FBN1: variants seen among roughly 807,000 people sequenced by gnomAD.
FBN1 encodes fibrillin-1.
FBN1 carries 29 observed loss-of-function variants against 365.1 expected under a neutral mutation model. That is an observed-to-expected ratio of 0.08 (90% confidence interval 0.06 to 0.11). The LOEUF (loss-of-function observed/expected upper bound fraction) is 0.11, where lower values mean the gene tolerates loss of function less well. Ranked by LOEUF, FBN1 falls within the 10% of genes least tolerant of loss-of-function variation. The pLI is 1.00. For synonymous variants in FBN1, 1,210 were observed against 1,270.5 expected (o/e 0.95, Z 1.01); for missense variants, 2,476 against 3,703.2 (o/e 0.67, Z 8.60).
intron 12 of FBN1, among the ~76,000 whole-genome samples, chr15:48,515,096 G>A (rs533431520): frequency 6.6e-6 from 1 of 152,228 alleles, no homozygotes; most frequent in Admixed American, 6.5e-5. Context: ...GAAAATGGAG[G>A]AAGGGGTCAT....
intron 43 of FBN1, among the ~76,000 whole-genome samples, chr15:48,457,935 A>G (rs1478522646): frequency 6.6e-6 from 1 of 152,134 alleles, no homozygotes; most frequent in East Asian, 1.9e-4. Context: ...CTTATCATAT[A>G]AGGGAAGATC....
intron 30 of FBN1, 42 bp from the exon 31 acceptor site, chr15:48,483,985 G>T: frequency 6.2e-7 from 1 of 1,604,440 alleles, no homozygotes; most frequent in Non-Finnish European, 8.5e-7. Context: ...GTTGATATTG[G>T]TTCCACTGTT....
rs745715311 is a variant in FBN1 at position 48,425,812 on chromosome 15, G to A, written c.7257C>T (p.Val2419=). Residue 2419 remains valine, a synonymous_variant, in exon 59 of 66, where the codon GTC becomes GTT. Transcript: ENST00000316623. Reference sequence around the variant, plus strand: ...TGCAATGATATGATCCTCTGTCATTGACACATTCCCCATTTCGGCAAACAT... The same window carrying A: ...TGCAATGATATGATCCTCTGTCATTAACACATTCCCCATTTCGGCAAACAT... The part of the protein sequence containing the change: ...IHDVCRNGEC[V]NDRGSYHCIC... The A allele has an allele frequency of 6.2e-7, 1 of 1,612,100 alleles. No homozygotes were observed. The highest frequency in any genetic ancestry group is 1.3e-5 in the African/African-American group (1 of 74,820).
intron 12 of FBN1, 130 bp downstream of exon 12, chr15:48,515,257 T>C (rs934890696): frequency 8.2e-6 from 8 of 973,080 alleles, no homozygotes; most frequent in Non-Finnish European, 1.1e-5. Context: ...AGCTGAAAGA[T>C]AATTTAAATT....
At chr15:48,492,988 A>C (rs558082535) in intron 23 of FBN1, among the ~76,000 whole-genome samples, 1 of 152,330 alleles carries the variant, frequency 6.6e-6, no homozygotes, top group African/African-American at 2.4e-5. Context: ...AAACAGCTTG[A>C]AGTTCAGCAT....
chr15:48,589,300 T>A (rs1182415819), intron 6 of FBN1, among the ~76,000 whole-genome samples: 1 of 152,108 alleles, frequency 6.6e-6, no homozygotes, highest in East Asian at 1.9e-4. Context: ...GCCTACAAAG[T>A]GGGCCGAGAG....
chr15:48,616,005 T>C (rs1165410399), intron 2 of FBN1, among the ~76,000 whole-genome samples: 1 of 152,234 alleles, frequency 6.6e-6, no homozygotes, highest in Non-Finnish European at 1.5e-5. Flanking sequence ...TTTTAAAATA[T>C]ACGCTCTTCT....
At chr15:48,427,869 T>C (rs2042990489) in intron 57 of FBN1, 96 bp from the exon 58 acceptor site, 1 of 1,049,628 alleles carries the variant, frequency 9.5e-7, no homozygotes, top group Non-Finnish European at 1.4e-6. Context: ...CAAAAAAGGA[T>C]GTAACACTTT....
intron 50 of FBN1, among the ~76,000 whole-genome samples, chr15:48,439,938 G>A (rs757437049): frequency 5.3e-5 from 8 of 152,022 alleles, no homozygotes; most frequent in Non-Finnish European, 8.8e-5. Flanking sequence ...CATTATCCAC[G>A]GTTCTGTGGA....
At chr15:48,603,942 T>A (rs1482314091) in intron 4 of FBN1, among the ~76,000 whole-genome samples, 1 of 152,170 alleles carries the variant, frequency 6.6e-6, no homozygotes, top group African/African-American at 2.4e-5. Context: ...CCCATATCCA[T>A]AAAAGATCCC....
At position 48,435,772 on chromosome 15, in the gene FBN1, A is replaced by ATATATGTATATGTG. The variant is rs1555395092; in HGVS notation, c.6497-1060_6497-1059insCACATATACATATA. Among the ~76,000 whole-genome samples the ATATATGTATATGTG allele has an allele frequency of 7.8e-4, 83 of 106,354 alleles. 1 individual carries two copies. The highest frequency in any genetic ancestry group is 5.0e-3 in the Middle Eastern group (1 of 202). 69.8% of individuals were successfully genotyped at this position (106,354 alleles called of 152,430 possible). On this transcript the variant is annotated intron_variant, in intron 53 of 65. Transcript: ENST00000316623. The stretch of plus-strand genomic sequence containing the variant: ...TATATGTGTGTATATATATGTGTAT[A>ATATATGTATATGTG]TGTGTGTGTGTGTGTGTGTGTGTGT...
rs2043337860 is a variant in FBN1, at chr15:48,468,066, G to C, written c.4619C>G (p.Pro1540Arg). 1 of 1,614,022 alleles carries C rather than the reference G, an allele frequency of 6.2e-7. No individual in the cohort carries two copies. The highest frequency in any genetic ancestry group is 8.5e-7 in the Non-Finnish European group (1 of 1,179,978). ...GGCTGTATCTCCATTGTCTCCTCGA[G>C]GTCGAATATCCAAATAGCAATTTCC... The part of the protein sequence containing the change: ...RSGNCYLDIR[P>R]RGDNGDTACS... The change falls in exon 38 of 66, where the codon CCT becomes CGT. Residue 1540 changes from proline (P) to arginine (R), a missense_variant. Pro to Arg is a moderately radical substitution (Grantham distance 103). Around this residue, in one of 5 missense-constraint regions of FBN1, gnomAD observed 1,780 missense variants for 2,840.8 expected, o/e 0.63. Coordinates refer to ENST00000316623, the MANE Select transcript of FBN1 (RefSeq NM_000138.5).
chr15:48,533,203 CATCT>C (rs1314764833), intron 8 of FBN1, among the ~76,000 whole-genome samples: 3 of 152,132 alleles, frequency 2.0e-5, no homozygotes, highest in African/African-American at 7.2e-5. Context: ...AAAATGCATC[CATCT>C]AAGTGAAACC....
In FBN1 at chr15:48,503,857, A is replaced by G. The variant is rs761246982; in HGVS notation, c.2043T>C (p.Ser681=). The part of the protein sequence containing the change: ...IKPLFGAVTK[S]ECCCASTEYA... ...ACTCAGTGCTGGCGCAACAGCATTC[A>G]GATTTAGTGACAGCACCAAACAAAG... Residue 681 remains serine, a synonymous_variant, in exon 17 of 66, where the codon TCT becomes TCC. Transcript: ENST00000316623. 2.5e-6 allele frequency: 4 copies of G among 1,614,250 alleles called. No homozygotes were observed. The highest frequency in any genetic ancestry group is 3.4e-6 in the Non-Finnish European group (4 of 1,180,046).
At chr15:48,478,806 G>A (rs532904519) in intron 32 of FBN1, among the ~76,000 whole-genome samples, 6 of 152,306 alleles carry the variant, frequency 3.9e-5, no homozygotes, top group African/African-American at 1.4e-4. Flanking sequence ...ATGTAAGTCA[G>A]TGGGTGGATT....
rs571122637 is a variant in FBN1, at chr15:48,510,497, C to T, written c.1589-328G>A. Reference sequence around the variant, plus strand: ...TAACCAGTATAAATCACTATTTATACTGAAATTTGGCTGGCATCTTTAAAC... The same window carrying T: ...TAACCAGTATAAATCACTATTTATATTGAAATTTGGCTGGCATCTTTAAAC... On this transcript the variant is annotated intron_variant, in intron 13 of 65. Transcript: ENST00000316623. 3.3e-3 allele frequency among the ~76,000 whole-genome samples: 502 copies of T among 152,262 alleles called. 4 individuals carry two copies. The highest frequency in any genetic ancestry group is 6.8e-3 in the Middle Eastern group (2 of 294).
chr15:48,548,808 G>A (rs1349839406), intron 6 of FBN1, among the ~76,000 whole-genome samples: 1 of 152,180 alleles, frequency 6.6e-6, no homozygotes, highest in African/African-American at 2.4e-5. Context: ...AAAACAACTT[G>A]AGCCAGATTT....
rs757500051 is a variant in FBN1 at position 48,465,752 on chromosome 15, A to G, written c.4816+38T>C. ...ATTGTAAATAAACCCAAGGAAATTC[A>G]AGTTGTGTGTGCTTTAAGACAAAGG... On this transcript the variant is annotated intron_variant, in intron 39 of 65. Coordinates refer to ENST00000316623, the MANE Select transcript of FBN1 (RefSeq NM_000138.5). The G allele has an allele frequency of 2.5e-6, 4 of 1,612,488 alleles. No homozygotes were observed. The East Asian group carries it at 8.9e-5, about 36-fold the overall frequency.
chr15:48,488,637 T>A (rs951114444), intron 25 of FBN1, 144 bp from the exon 26 acceptor site: 2 of 891,186 alleles, frequency 2.2e-6, no homozygotes, highest in Admixed American at 2.4e-5. Flanking sequence ...TGTGTGATGA[T>A]CCATGAGATA....
Sources: gnomAD v4.1 joint callset for allele counts (sites outside exome capture counted in the v4.1 genomes callset) on GRCh38, gnomAD v4.1.1 for gene constraint, gnomAD v4.1.1 regional missense constraint, MANE v1.5 for transcripts, NCBI Gene and HGNC (gene_info 2026-07-23, HGNC 2026-07-21) for gene names.